Variants in TET2 observed in about 807,000 individuals in gnomAD.
The protein encoded by TET2 is tet methylcytosine dioxygenase 2.
Under a neutral mutation model 142.9 loss-of-function variants are expected in TET2, and 299 were observed. The observed-to-expected ratio is 2.09, with a 90% CI of 1.90 to 2.30. The LOEUF (loss-of-function observed/expected upper bound fraction) is 2.30. Among genes scored for constraint, TET2 ranks in the 30% most tolerant of loss-of-function variants. TET2 has a pLI of 0.00. For missense variants in TET2, 2,418 were observed against 2,378.0 expected (o/e 1.02, Z -0.35); for synonymous variants, 819 against 849.0 (o/e 0.96, Z 0.61).
intron 1 of TET2, among the ~76,000 whole-genome samples, chr4:105,185,694 G>C (rs1000391325): frequency 4.6e-5 from 7 of 152,172 alleles, no homozygotes; most frequent in Non-Finnish European, 8.8e-5. Flanking sequence ...CAGGAGAATG[G>C]CGTGAACCGG....
rs368719525 is a variant in TET2, at chr4:105,236,625, G to A, written c.2683G>A (p.Val895Ile). The change falls in exon 3 of 11, where the codon GTT becomes ATT. Residue 895 changes from valine (V) to isoleucine (I), a missense_variant. Coordinates refer to ENST00000380013, the MANE Select transcript of TET2 (RefSeq NM_001127208.3). Reference sequence around the variant, plus strand: ...GGAGCAGAAGTCACAACAAGCTTCAGTTCTACAGGGATATAAAAATAGAAA... The same window carrying A: ...GGAGCAGAAGTCACAACAAGCTTCAATTCTACAGGGATATAAAAATAGAAA... ...EQEQKSQQASVLQGYKNRNQD... is the reference protein window; with the variant it reads ...EQEQKSQQASILQGYKNRNQD... 7.4e-6 allele frequency: 12 copies of A among 1,613,904 alleles called. No individual in the cohort carries two copies. In the African/African-American group the frequency reaches 1.3e-4, roughly 18 times the overall value.
chr4:105,241,134 C>G, intron 3 of TET2: 1 of 1,153,392 alleles, frequency 8.7e-7, no homozygotes, highest in African/African-American at 1.6e-5. Flanking sequence ...ATATTTTTAT[C>G]CAACAACCAG....
chr4:105,214,581 CA>C (rs1727377279), intron 2 of TET2, among the ~76,000 whole-genome samples: 2 of 150,764 alleles, frequency 1.3e-5, no homozygotes, highest in African/African-American at 4.9e-5. Flanking sequence ...CCACCACACC[CA>C]ACCCTGAGGG....
chr4:105,157,336 ATTATT>A (rs1428743498), intron 1 of TET2, among the ~76,000 whole-genome samples: 1 of 152,190 alleles, frequency 6.6e-6, no homozygotes, highest in Admixed American at 6.5e-5. Context: ...TTAGTAAATA[ATTATT>A]TTAGTACAAA....
intron 3 of TET2, chr4:105,239,599 T>C (rs1475288160): frequency 4.2e-6 from 1 of 239,614 alleles, no homozygotes; most frequent in African/African-American, 2.2e-5. Flanking sequence ...TGCTCTGGAT[T>C]AAGCTTTGGC....
At chr4:105,193,737 G>T (rs111696026) in intron 2 of TET2, among the ~76,000 whole-genome samples, 2,095 of 152,214 alleles carry the variant, frequency 0.014, 31 homozygotes, top group Middle Eastern at 0.058. Context: ...GGGAAGTTGG[G>T]ACATATGAGT....
intron 1 of TET2, among the ~76,000 whole-genome samples, chr4:105,148,515 A>AT (rs1723146659): frequency 6.6e-6 from 1 of 152,228 alleles, no homozygotes. Context: ...CCATCATAGG[A>AT]ATAAGATTGT....
At position 105,276,998 on chromosome 4, in the gene TET2, G is replaced by T; in HGVS notation, c.*479G>T. The T allele has an allele frequency of 4.3e-6, 1 of 233,526 alleles. No individual in the cohort carries two copies. The highest frequency in any genetic ancestry group is 5.6e-5 in the Admixed American group (1 of 17,800). 14.5% of individuals were successfully genotyped at this position (233,526 alleles called of 1,614,324 possible). ...GAATATATGATGTACTGAAATACTG[G>T]AATTATGGCTTTTTGAAATGCAGTT... is the stretch of plus-strand genomic sequence containing the variant. On this transcript the variant is annotated 3_prime_UTR_variant, in exon 11 of 11. Transcript: ENST00000380013.
rs1343504165 is a variant in TET2 at position 105,235,828 on chromosome 4, AC to A, written c.1887del (p.His629GlnfsTer10). The stretch of plus-strand genomic sequence containing the variant: ...ACCCAGAAAACAACACAGCTGGAGC[AC>A]AAGTCACAAATGTACCAAGTTGAAA... ...AYTQKTTQLE[H>X]KSQMYQVEMN... On this transcript the variant is annotated frameshift_variant, in exon 3 of 11. Transcript: ENST00000380013. LOFTEE classifies it high-confidence loss of function. 1.2e-6 allele frequency: 2 copies of A among 1,613,956 alleles called. No homozygotes were observed. The highest frequency in any genetic ancestry group is 1.7e-6 in the Non-Finnish European group (2 of 1,180,016).
Position 105,234,133 on chromosome 4 carries a change from C to A in TET2, c.191C>A (p.Pro64His). 6.2e-7 allele frequency: 1 copy of A among 1,614,072 alleles called. No homozygotes were observed. The change falls in exon 3 of 11, where the codon CCC becomes CAC. Residue 64 changes from proline (P) to histidine (H), a missense_variant. Transcript: ENST00000380013. ...WHSFKSYYGI[P>H]CMKGSQNSRV... ...TCTTTCAAAAGTTATTATGGAATACCCTGTATGAAGGGAAGCCAGAATAGT... is the reference window on the plus strand; with the variant it reads ...TCTTTCAAAAGTTATTATGGAATACACTGTATGAAGGGAAGCCAGAATAGT...
chr4:105,154,601 A>G (rs11933960), intron 1 of TET2, among the ~76,000 whole-genome samples: 9,392 of 152,260 alleles, frequency 0.062, 499 homozygotes, highest in East Asian at 0.19. Context: ...TAGAGCTCAT[A>G]TGGGAAGATT....
chr4:105,205,785 C>G (rs111816686), intron 2 of TET2, among the ~76,000 whole-genome samples: 2,102 of 152,192 alleles, frequency 0.014, 31 homozygotes, highest in Middle Eastern at 0.058. Flanking sequence ...GCATGCACCA[C>G]CACTCCTGGC....
intron 1 of TET2, among the ~76,000 whole-genome samples, chr4:105,167,353 G>C (rs576613810): frequency 6.6e-6 from 1 of 151,534 alleles, no homozygotes; most frequent in East Asian, 1.9e-4. Context: ...CTAAACTTAA[G>C]AAAAGTGCGT....
Position 105,236,662 on chromosome 4 carries a change from C to G in TET2, c.2720C>G (p.Ser907Cys), listed in dbSNP as rs1171711487. ...QGYKNRNQDM[S>C]GQQAAQLAQQ... ...TATAAAAATAGAAACCAAGATATGTCTGGTCAACAAGCTGCGCAACTTGCT... is the reference window on the plus strand; with the variant it reads ...TATAAAAATAGAAACCAAGATATGTGTGGTCAACAAGCTGCGCAACTTGCT... The change falls in exon 3 of 11, where the codon TCT (serine) becomes TGT (cysteine). Residue 907 changes from serine (S) to cysteine (C), a missense_variant. Transcript: ENST00000380013. 6.2e-7 allele frequency: 1 copy of G among 1,614,070 alleles called. No individual in the cohort carries two copies. Among genetic ancestry groups the G allele is most frequent in the Non-Finnish European group, 8.5e-7 (1 of 1,180,002 alleles).
intron 1 of TET2, among the ~76,000 whole-genome samples, chr4:105,169,887 G>A (rs1192779661): frequency 6.6e-6 from 1 of 151,894 alleles, no homozygotes; most frequent in Non-Finnish European, 1.5e-5. Context: ...AAGGTCAGTT[G>A]GCTGTAAGTA....
chr4:105,211,544 T>A (rs1727161632), intron 2 of TET2, among the ~76,000 whole-genome samples: 1 of 151,886 alleles, frequency 6.6e-6, no homozygotes, highest in Non-Finnish European at 1.5e-5. Flanking sequence ...GAAGGAGCAA[T>A]GAGAGATAGA....
chr4:105,264,352 T>C (rs1300212450), intron 8 of TET2, among the ~76,000 whole-genome samples: 1 of 152,120 alleles, frequency 6.6e-6, no homozygotes, highest in Non-Finnish European at 1.5e-5. Flanking sequence ...GCTATAAAAA[T>C]AAATAAATGA....
intron 2 of TET2, among the ~76,000 whole-genome samples, chr4:105,207,723 C>G (rs1390273989): frequency 2.0e-5 from 3 of 152,074 alleles, no homozygotes; most frequent in African/African-American, 7.2e-5. Context: ...AAGTTCACAG[C>G]TCTAGGAACC....
At chr4:105,168,960 A>G (rs534833125) in intron 1 of TET2, among the ~76,000 whole-genome samples, 1 of 152,268 alleles carries the variant, frequency 6.6e-6, no homozygotes, top group Admixed American at 6.5e-5. Flanking sequence ...TTATAAATAT[A>G]CCACAGTTTC....
Sources: allele counts gnomAD v4.1 joint callset (sites outside exome capture counted in the v4.1 genomes callset), GRCh38; gene constraint gnomAD v4.1.1; transcripts MANE v1.5; gene names NCBI Gene and HGNC (gene_info 2026-07-23, HGNC 2026-07-21).